Variants in TEX29 observed in about 807,000 individuals in gnomAD.
The protein encoded by TEX29 is testis expressed 29.
Under a neutral mutation model 18.2 loss-of-function variants are expected in TEX29, and 26 were observed. That is an observed-to-expected ratio of 1.43 (90% CI 1.04 to 1.98). The LOEUF (loss-of-function observed/expected upper bound fraction) is 1.98, where lower values mean the gene tolerates loss of function less well. Among genes scored for constraint, TEX29 ranks in the 30% most tolerant of loss-of-function variants. The pLI, the probability that TEX29 is intolerant of heterozygous loss-of-function variation, is 0.00. For synonymous variants in TEX29, 83 were observed against 78.5 expected (o/e 1.06, Z -0.31); for missense variants, 177 against 194.2 (o/e 0.91, Z 0.53).
chr13:111,325,121 G>A (rs1260012905), intron 2 of TEX29, among the ~76,000 whole-genome samples: 2 of 152,218 alleles, frequency 1.3e-5, no homozygotes, highest in Admixed American at 6.5e-5. Context: ...CTCCCAGGAA[G>A]CACTCGGCTC....
rs147696406 is a variant in TEX29, at chr13:111,320,904, T to G, written c.14T>G (p.Leu5Arg). 6.2e-7 allele frequency: 1 copy of G among 1,601,996 alleles called. No individual in the cohort carries two copies. The change falls in exon 2 of 6, where the codon CTG becomes CGG. Residue 5 changes from leucine (L) to arginine (R), a missense_variant. Physicochemically the swap from Leu to Arg is moderately radical, Grantham distance 102. Transcript: ENST00000283547. ...TCAGCTGCAGCAATGGAATACGTGC[T>G]GGAAGTGAAGAACTCTCCGCGGCAC... is the stretch of plus-strand genomic sequence containing the variant. The part of the protein sequence containing the change: MEYV[L>R]EVKNSPRHLL...
intron 2 of TEX29, among the ~76,000 whole-genome samples, chr13:111,325,021 C>T (rs9588397): frequency 0.04 from 6,066 of 152,222 alleles, 223 homozygotes; most frequent in African/African-American, 0.098. Flanking sequence ...TCCACGCAGA[C>T]GGGGTGACGG....
chr13:111,339,371 G>T, intron 3 of TEX29: 1 of 455,306 alleles, frequency 2.2e-6, no homozygotes, highest in Non-Finnish European at 4.4e-6. Flanking sequence ...AGAGGGGCCA[G>T]CGCCATCTCT....
At position 111,320,918 on chromosome 13, in the gene TEX29, T is replaced by A. The variant is rs747373416; in HGVS notation, c.28T>A (p.Ser10Thr). Residue 10 changes from serine (S) to threonine (T), a missense_variant, in exon 2 of 6, where the codon TCT (serine) becomes ACT (threonine). Coordinates refer to ENST00000283547, the MANE Select transcript of TEX29 (RefSeq NM_152324.3). MEYVLEVKNSPRHLLKQFTV... is the reference protein window; with the variant it reads MEYVLEVKNTPRHLLKQFTV... ...GGAATACGTGCTGGAAGTGAAGAAC[T>A]CTCCGCGGCACCTCCTGAAGCAATT... 5 of 1,437,384 alleles carry A rather than the reference T, an allele frequency of 3.5e-6. No individual in the cohort carries two copies. The African/African-American group carries it at 6.0e-5, about 17-fold the overall frequency. The allele number at this position is 1,437,384 out of a possible 1,614,324, so 89.0% of individuals were successfully genotyped here.
chr13:111,327,977 T>C (rs1367947737), intron 2 of TEX29, among the ~76,000 whole-genome samples: 1 of 152,256 alleles, frequency 6.6e-6, no homozygotes, highest in African/African-American at 2.4e-5. Context: ...TTCTGTGTAA[T>C]TAACTTGACA....
intron 2 of TEX29, among the ~76,000 whole-genome samples, chr13:111,327,388 G>A (rs1274971125): frequency 2.6e-5 from 4 of 152,206 alleles, no homozygotes; most frequent in Non-Finnish European, 5.9e-5. Flanking sequence ...CTGTCCCAGT[G>A]GAACAACTTA....
chr13:111,326,615 TGTCTGGTGGGGTG>T (rs2093674150), intron 2 of TEX29, among the ~76,000 whole-genome samples: 2 of 145,976 alleles, frequency 1.4e-5, no homozygotes, highest in Admixed American at 6.8e-5. Context: ...AGTGCGAGCC[TGTCTGGTGGGGTG>T]GAGGAGACCA....
At chr13:111,318,676 C>G (rs544193847), upstream of TEX29, among the ~76,000 whole-genome samples, 4 of 152,196 alleles carry the variant, frequency 2.6e-5, no homozygotes, top group Admixed American at 6.5e-5. Context: ...CGACTGCTGC[C>G]CAGGTTGGTG....
At chr13:111,326,613 CCTGT>C (rs2093674134) in intron 2 of TEX29, among the ~76,000 whole-genome samples, 1 of 123,670 alleles carries the variant, frequency 8.1e-6, no homozygotes, top group African/African-American at 3.1e-5. Context: ...GCAGTGCGAG[CCTGT>C]CTGGTGGGGT....
chr13:111,321,041 G>A (rs2093663688), intron 2 of TEX29, 93 bp downstream of exon 2: 2 of 1,418,100 alleles, frequency 1.4e-6, no homozygotes, highest in East Asian at 5.0e-5. Context: ...GGCGCGGACA[G>A]GGGGTCCTGG....
intron 4 of TEX29, among the ~76,000 whole-genome samples, chr13:111,340,134 T>C (rs2093695600): frequency 6.6e-6 from 1 of 151,748 alleles, no homozygotes; most frequent in South Asian, 2.1e-4. Context: ...TTGATGAAAA[T>C]CATAACCCAT....
intron 3 of TEX29, among the ~76,000 whole-genome samples, chr13:111,336,389 G>A (rs1210247763): frequency 6.6e-6 from 1 of 152,220 alleles, no homozygotes; most frequent in Non-Finnish European, 1.5e-5. Context: ...GGTATTATGA[G>A]CTCTTTGTGC....
At chr13:111,326,694 G>A (rs1010790611) in intron 2 of TEX29, among the ~76,000 whole-genome samples, 2 of 78,146 alleles carry the variant, frequency 2.6e-5, no homozygotes, top group African/African-American at 4.5e-5. Context: ...TGAGCCTGGC[G>A]CTGGCGGGTG....
chr13:111,330,076 G>GT (rs1309033999), intron 3 of TEX29, among the ~76,000 whole-genome samples: 1 of 152,096 alleles, frequency 6.6e-6, no homozygotes, highest in African/African-American at 2.4e-5. Flanking sequence ...GAGAACAAAA[G>GT]TTTTTTGCAG....
chr13:111,329,392 G>A (rs970705322), intron 3 of TEX29, among the ~76,000 whole-genome samples: 14 of 151,906 alleles, frequency 9.2e-5, no homozygotes, highest in Non-Finnish European at 1.8e-4. Flanking sequence ...CCCTGGCTTT[G>A]TGCAGCTCAG....
chr13:111,320,983 T>TGGGGGGGGGGG, intron 2 of TEX29, 35 bp downstream of exon 2: 3 of 193,504 alleles, frequency 1.6e-5, no homozygotes, highest in Admixed American at 1.0e-4. Flanking sequence ...GCGGGTGGGG[T>TGGGGGGGGGGG]GGGGGAGCAG....
intron 2 of TEX29, among the ~76,000 whole-genome samples, chr13:111,324,785 A>G (rs946996615): frequency 1.3e-5 from 2 of 152,198 alleles, no homozygotes; most frequent in Admixed American, 1.3e-4. Context: ...GCACCTCTCT[A>G]GGCACCATGC....
chr13:111,338,879 A>G (rs2093693167), intron 3 of TEX29, among the ~76,000 whole-genome samples: 1 of 152,232 alleles, frequency 6.6e-6, no homozygotes, highest in Non-Finnish European at 1.5e-5. Flanking sequence ...TCTGAGAGGA[A>G]TGATGCTCGT....
upstream of TEX29, among the ~76,000 whole-genome samples, chr13:111,317,807 C>T (rs921226505): frequency 3.9e-5 from 6 of 152,174 alleles, no homozygotes; most frequent in Non-Finnish European, 8.8e-5. Context: ...CTCCGTGTTC[C>T]GGGGCTCGCA....
Sources: allele counts gnomAD v4.1 joint callset (sites outside exome capture counted in the v4.1 genomes callset), GRCh38; gene constraint gnomAD v4.1.1; transcripts MANE v1.5; gene names NCBI Gene and HGNC (gene_info 2026-07-23, HGNC 2026-07-21).